USH2A: variants seen among roughly 807,000 people sequenced by gnomAD.
USH2A encodes Usher syndrome 2A (autosomal recessive, mild).
Under a neutral mutation model 538.9 loss-of-function variants are expected in USH2A, and 443 were observed. The observed-to-expected ratio is 0.82, with a 90% CI of 0.76 to 0.89. The LOEUF (loss-of-function observed/expected upper bound fraction) is 0.89, where lower values mean the gene tolerates loss of function less well. USH2A is among the 40% of genes least tolerant of loss of function. USH2A has a pLI of 0.00. For missense variants in USH2A, 6,633 were observed against 6,324.8 expected (o/e 1.05, Z -1.65); for synonymous variants, 2,413 against 2,273.5 (o/e 1.06, Z -1.75).
At chr1:215,952,089 C>G (rs1277006880) in intron 37 of USH2A, among the ~76,000 whole-genome samples, 1 of 151,920 alleles carries the variant, frequency 6.6e-6, no homozygotes, top group Non-Finnish European at 1.5e-5. Context: ...TGGTCTCGAT[C>G]TCCTGACCTC....
chr1:215,773,821 T>C (rs919443594), intron 55 of USH2A, among the ~76,000 whole-genome samples: 6 of 152,174 alleles, frequency 3.9e-5, no homozygotes, highest in African/African-American at 1.4e-4. Context: ...TAGAGCCATA[T>C]CAGCATTCTA....
At chr1:216,282,613 C>T (rs896403355) in intron 11 of USH2A, among the ~76,000 whole-genome samples, 8 of 152,130 alleles carry the variant, frequency 5.3e-5, no homozygotes, top group African/African-American at 1.7e-4. Context: ...ATCCCAGTAC[C>T]ATGCTGTCTT....
chr1:215,859,853 G>C (rs920901829), intron 44 of USH2A, among the ~76,000 whole-genome samples: 2 of 152,106 alleles, frequency 1.3e-5, no homozygotes, highest in African/African-American at 2.4e-5. Flanking sequence ...CCAGCAAAGG[G>C]GGATCAAGGG....
chr1:216,076,419 C>A (rs539764190), intron 27 of USH2A, among the ~76,000 whole-genome samples: 1 of 152,012 alleles, frequency 6.6e-6, no homozygotes, highest in Non-Finnish European at 1.5e-5. Context: ...TATTATCTTA[C>A]AATTTTGGTT....
At chr1:216,021,210 C>T (rs1668837169) in intron 32 of USH2A, among the ~76,000 whole-genome samples, 1 of 152,176 alleles carries the variant, frequency 6.6e-6, no homozygotes, top group Non-Finnish European at 1.5e-5. Context: ...TGTGGTTTGG[C>T]TGTGTCCCTG....
chr1:215,856,873 G>C (rs1664185650), intron 44 of USH2A, among the ~76,000 whole-genome samples: 2 of 141,028 alleles, frequency 1.4e-5, no homozygotes, highest in Middle Eastern at 3.6e-3. Flanking sequence ...GTGTGTGTGT[G>C]TGTGTATCAG....
At chr1:215,957,860 G>T (rs1322951760) in intron 37 of USH2A, among the ~76,000 whole-genome samples, 2 of 152,138 alleles carry the variant, frequency 1.3e-5, no homozygotes, top group Non-Finnish European at 2.9e-5. Context: ...TCTCCGACGG[G>T]ATTCCAAGTT....
intron 40 of USH2A, among the ~76,000 whole-genome samples, chr1:215,897,160 C>T (rs1317672715): frequency 2.6e-5 from 4 of 152,100 alleles, no homozygotes; most frequent in African/African-American, 9.7e-5. Context: ...TAGCTCATTG[C>T]CTGCCTAGAT....
intron 64 of USH2A, among the ~76,000 whole-genome samples, chr1:215,657,070 C>G (rs773502772): frequency 2.0e-5 from 3 of 152,238 alleles, no homozygotes; most frequent in Non-Finnish European, 4.4e-5. Flanking sequence ...CTAAGGCCAA[C>G]AGCTAATTCA....
chr1:216,174,683 T>C (rs554269476), intron 21 of USH2A: 5 of 986,610 alleles, frequency 5.1e-6, no homozygotes, highest in Non-Finnish European at 6.0e-6. Flanking sequence ...AGTTATCTTT[T>C]CCCTGGGATT....
intron 37 of USH2A, among the ~76,000 whole-genome samples, chr1:215,948,883 C>G (rs1666825580): frequency 6.6e-6 from 1 of 152,008 alleles, no homozygotes; most frequent in South Asian, 2.1e-4. Flanking sequence ...TTGGTTATGG[C>G]TTATTTAAAG....
intron 32 of USH2A, among the ~76,000 whole-genome samples, chr1:216,002,674 T>G (rs1668292861): frequency 1.3e-5 from 2 of 152,156 alleles, no homozygotes; most frequent in African/African-American, 4.8e-5. Context: ...ACAAAATTCT[T>G]TGGCCAGTGA....
At chr1:215,685,560 C>T (rs1205752564) in intron 61 of USH2A, among the ~76,000 whole-genome samples, 1 of 152,002 alleles carries the variant, frequency 6.6e-6, no homozygotes, top group African/African-American at 2.4e-5. Context: ...GTTTCACCAT[C>T]TTAGCCAGGT....
intron 16 of USH2A, among the ~76,000 whole-genome samples, chr1:216,206,869 C>T (rs952680691): frequency 3.9e-5 from 6 of 152,126 alleles, no homozygotes; most frequent in African/African-American, 1.4e-4. Context: ...TTGAGATAAA[C>T]TTCCTAAAAT....
chr1:215,764,903 T>G (rs1160152513), intron 56 of USH2A, among the ~76,000 whole-genome samples: 2 of 151,984 alleles, frequency 1.3e-5, no homozygotes, highest in African/African-American at 4.8e-5. Context: ...CCATGTTTCT[T>G]CTGCAGAGGA....
At chr1:216,214,926 A>G (rs1198013572) in intron 15 of USH2A, among the ~76,000 whole-genome samples, 1 of 152,120 alleles carries the variant, frequency 6.6e-6, no homozygotes, top group South Asian at 2.1e-4. Flanking sequence ...ATCATTCGCT[A>G]GGAAAGCATA....
chr1:216,292,820 A>C (rs1170908033), intron 9 of USH2A, among the ~76,000 whole-genome samples: 1 of 152,190 alleles, frequency 6.6e-6, no homozygotes, highest in Non-Finnish European at 1.5e-5. Flanking sequence ...TAAAACTTCA[A>C]CATGTTAACA....
chr1:215,865,840 C>A (rs943915732), intron 44 of USH2A, among the ~76,000 whole-genome samples: 1 of 152,138 alleles, frequency 6.6e-6, no homozygotes, highest in Non-Finnish European at 1.5e-5. Flanking sequence ...TAATTGATAT[C>A]CTCAATTCTG....
intron 21 of USH2A, among the ~76,000 whole-genome samples, chr1:216,115,656 T>C (rs546652599): frequency 1.7e-4 from 26 of 152,288 alleles, no homozygotes; most frequent in African/African-American, 6.3e-4. Flanking sequence ...TTATACGTAC[T>C]GTATTTATTC....
Sources: allele counts gnomAD v4.1 joint callset (sites outside exome capture counted in the v4.1 genomes callset), GRCh38; gene constraint gnomAD v4.1.1; transcripts MANE v1.5; gene names NCBI Gene and HGNC (gene_info 2026-07-23, HGNC 2026-07-21).